Variants in BTRC observed in about 807,000 individuals in gnomAD.
BTRC encodes the protein beta-transducin repeat containing E3 ubiquitin protein ligase, also known as F-box/WD repeat-containing protein 1A.
In BTRC, 42 loss-of-function variants were observed where a neutral mutation model predicts 85.5. That is an observed-to-expected ratio of 0.49 (90% CI 0.38 to 0.64). BTRC has a LOEUF of 0.64. Ranked by LOEUF, BTRC falls within the 30% of genes least tolerant of loss-of-function variation. The probability of loss-of-function intolerance (pLI) is 0.00; values close to 1 mark genes in which losing one functional copy is unlikely to be tolerated. For missense variants in BTRC, 594 were observed against 743.5 expected (o/e 0.80, Z 2.34); for synonymous variants, 255 against 263.3 (o/e 0.97, Z 0.30).
chr10:101,446,326 T>C (rs1315954092), intron 2 of BTRC, among the ~76,000 whole-genome samples: 7 of 152,132 alleles, frequency 4.6e-5, no homozygotes. Flanking sequence ...ATTGTGAGGT[T>C]GTCTTTGGTT....
In BTRC at chr10:101,519,467, G is replaced by T. The variant is rs538721875; in HGVS notation, c.325-2172G>T. On this transcript the variant is annotated intron_variant, in intron 4 of 14. Transcript: ENST00000370187. ...TTTTCTTACTGGCTGTCAGCTGGGG[G>T]CTCCTTTCAGCAGCTAGAGACTGAC... 5.3e-5 allele frequency among the ~76,000 whole-genome samples: 8 copies of T among 152,170 alleles called. No individual in the cohort carries two copies. The East Asian group carries it at 1.5e-3, about 29-fold the overall frequency.
chr10:101,546,210 G>A (rs1407937789), intron 13 of BTRC, among the ~76,000 whole-genome samples: 1 of 152,136 alleles, frequency 6.6e-6, no homozygotes, highest in East Asian at 1.9e-4. Flanking sequence ...CACCAAGGCA[G>A]ACCACAGTCA....
chr10:101,534,697 G>T lies in BTRC; in HGVS notation c.1134G>T (p.Thr378=), dbSNP rs373104717. The T allele has an allele frequency of 6.2e-7, 1 of 1,614,084 alleles. No individual in the cohort carries two copies. The highest frequency in any genetic ancestry group is 8.5e-7 in the Non-Finnish European group (1 of 1,179,960). Residue 378 remains threonine (T), a synonymous_variant, in exon 10 of 15, where the codon ACG becomes ACT. Transcript: ENST00000370187. ...WDVNTGEMLN[T]LIHHCEAVLH... ...TAAATACAGGTGAAATGCTAAACAC[G>T]TTGATTCACCATTGTGAAGCAGTTC...
At chr10:101,394,584 G>A (rs757217253) in intron 1 of BTRC, among the ~76,000 whole-genome samples, 4 of 152,196 alleles carry the variant, frequency 2.6e-5, no homozygotes, top group Non-Finnish European at 5.9e-5. Context: ...AGACTGACTA[G>A]TAATGAGTAA....
chr10:101,423,842 C>T (rs552224994), intron 1 of BTRC, among the ~76,000 whole-genome samples: 2 of 152,294 alleles, frequency 1.3e-5, no homozygotes, highest in South Asian at 4.1e-4. Context: ...AATGGCTTCC[C>T]AGAACAGTTT....
At chr10:101,473,594 C>T (rs1487031963) in intron 3 of BTRC, among the ~76,000 whole-genome samples, 1 of 151,572 alleles carries the variant, frequency 6.6e-6, no homozygotes, top group Non-Finnish European at 1.5e-5. Context: ...CCTCTGCCTC[C>T]CAAGTAGCTG....
chr10:101,362,085 C>T (rs989313398), intron 1 of BTRC, among the ~76,000 whole-genome samples: 9 of 152,086 alleles, frequency 5.9e-5, no homozygotes, highest in African/African-American at 1.9e-4. Context: ...CTCAGCCTCC[C>T]GAGTAGCTGG....
intron 2 of BTRC, among the ~76,000 whole-genome samples, chr10:101,458,893 T>C (rs1016615613): frequency 3.3e-5 from 5 of 152,184 alleles, no homozygotes; most frequent in East Asian, 1.9e-4. Flanking sequence ...AAGTATCTTA[T>C]AGAAAAAATA....
At chr10:101,511,509 G>A (rs1310769800) in intron 4 of BTRC, among the ~76,000 whole-genome samples, 3 of 151,930 alleles carry the variant, frequency 2.0e-5, no homozygotes, top group East Asian at 1.9e-4. Flanking sequence ...CCACATGTGC[G>A]CACCACCATG....
At chr10:101,431,297 G>A (rs546163633) in intron 2 of BTRC, among the ~76,000 whole-genome samples, 17 of 151,714 alleles carry the variant, frequency 1.1e-4, no homozygotes, top group South Asian at 8.3e-4. Context: ...GGCTGGTCTC[G>A]AACTCCTGAC....
intron 1 of BTRC, among the ~76,000 whole-genome samples, chr10:101,389,300 C>T (rs1475173091): frequency 6.6e-6 from 1 of 151,754 alleles, no homozygotes; most frequent in Non-Finnish European, 1.5e-5. Context: ...ATCTCAAATT[C>T]GTCTACCCCT....
chr10:101,469,510 A>G (rs2134192951), intron 3 of BTRC, among the ~76,000 whole-genome samples: 1 of 152,262 alleles, frequency 6.6e-6, no homozygotes, highest in East Asian at 1.9e-4. Flanking sequence ...TTTGAAGGAA[A>G]ATAAATTTTC....
At chr10:101,422,786 T>C (rs560634850) in intron 1 of BTRC, among the ~76,000 whole-genome samples, 3 of 152,244 alleles carry the variant, frequency 2.0e-5, no homozygotes, top group African/African-American at 7.2e-5. Flanking sequence ...TGTAGATGTG[T>C]GTTATTATTT....
intron 13 of BTRC, among the ~76,000 whole-genome samples, chr10:101,549,358 G>A (rs897682155): frequency 2.0e-5 from 3 of 151,610 alleles, no homozygotes; most frequent in Non-Finnish European, 2.9e-5. Flanking sequence ...TTGAGCCCAG[G>A]AGTTTGAGGT....
intron 1 of BTRC, among the ~76,000 whole-genome samples, chr10:101,374,920 G>A (rs1220086364): frequency 6.6e-6 from 1 of 152,230 alleles, no homozygotes; most frequent in East Asian, 1.9e-4. Context: ...TTTCATAACC[G>A]CTGTCTATTG....
At chr10:101,427,483 C>T (rs1194218742) in intron 1 of BTRC, among the ~76,000 whole-genome samples, 5 of 138,482 alleles carry the variant, frequency 3.6e-5, no homozygotes, top group Admixed American at 7.5e-5. Flanking sequence ...TTTTTTGAGA[C>T]GGGTCCCTTC....
At chr10:101,525,866 CTGTT>C in intron 5 of BTRC, 143 bp from the exon 6 acceptor site, 3 of 660,012 alleles carry the variant, frequency 4.5e-6, no homozygotes, top group East Asian at 2.9e-5. Flanking sequence ...ACCCAAGCCT[CTGTT>C]TGAAAAAGAA....
intron 2 of BTRC, among the ~76,000 whole-genome samples, chr10:101,441,378 G>A (rs541249907): frequency 1.1e-3 from 174 of 152,282 alleles, no homozygotes; most frequent in African/African-American, 3.9e-3. Context: ...CTTGCCTCAT[G>A]AGCAAACATC....
At chr10:101,466,279 C>G (rs1237967962) in intron 3 of BTRC, among the ~76,000 whole-genome samples, 1 of 152,108 alleles carries the variant, frequency 6.6e-6, no homozygotes, top group Admixed American at 6.6e-5. Context: ...AGAGCTCTCT[C>G]AACTCTCTGA....
Sources: gnomAD v4.1 joint callset for allele counts (sites outside exome capture counted in the v4.1 genomes callset) on GRCh38, gnomAD v4.1.1 for gene constraint, MANE v1.5 for transcripts, NCBI Gene and HGNC (gene_info 2026-07-23, HGNC 2026-07-21) for gene names.